FRYL: variants seen among roughly 807,000 people sequenced by gnomAD.
FRYL encodes FRY like transcription coactivator.
FRYL carries 150 observed loss-of-function variants against 351.2 expected under a neutral mutation model. That is an observed-to-expected ratio of 0.43 (90% CI 0.37 to 0.49). FRYL has a LOEUF of 0.49. Among genes scored for constraint, FRYL ranks in the 20% least tolerant of loss-of-function variants. The pLI is 0.00. For synonymous variants in FRYL, 1,153 were observed against 1,257.1 expected (o/e 0.92, Z 1.75); for missense variants, 3,036 against 3,619.3 (o/e 0.84, Z 4.13).
intron 55 of FRYL, among the ~76,000 whole-genome samples, chr4:48,519,461 T>C (rs2148817112): frequency 6.6e-6 from 1 of 152,144 alleles, no homozygotes; most frequent in Middle Eastern, 3.4e-3. Flanking sequence ...TTGAACCTAT[T>C]ATTGAATTTT....
intron 1 of FRYL, among the ~76,000 whole-genome samples, chr4:48,765,794 A>C (rs1441702462): frequency 6.6e-6 from 1 of 152,222 alleles, no homozygotes; most frequent in Non-Finnish European, 1.5e-5. Flanking sequence ...ACAACTCAAT[A>C]ACAACAGTAA....
intron 3 of FRYL, among the ~76,000 whole-genome samples, chr4:48,663,073 CTT>C (rs35313110): frequency 6.6e-6 from 1 of 152,060 alleles, no homozygotes; most frequent in Admixed American, 6.5e-5. Flanking sequence ...AGTTAAAATA[CTT>C]TTTGTTTCTC....
intron 37 of FRYL, among the ~76,000 whole-genome samples, chr4:48,550,906 TA>T (rs750996180): frequency 6.6e-6 from 1 of 152,280 alleles, no homozygotes. Flanking sequence ...ACCCCGTGTC[TA>T]CTAAAATACC....
intron 3 of FRYL, chr4:48,653,602 A>G: frequency 3.2e-6 from 2 of 623,766 alleles, no homozygotes; most frequent in Non-Finnish European, 2.4e-6. Context: ...TCTTCATGCT[A>G]TTTTCAACAG....
Position 48,602,065 on chromosome 4 carries a change from T to A in FRYL, c.990A>T (p.Leu330Phe), listed in dbSNP as rs1560693673. ...LLCVSQKQFF[L>F]NNWHIFLQNC... is the part of the protein sequence containing the mutation. The stretch of plus-strand genomic sequence containing the variant: ...TCTGTAGGAAAATATGCCAGTTATT[T>A]AAAAAAAATTGTTTCTGACTGACAC... Residue 330 changes from leucine to phenylalanine, a missense_variant, in exon 13 of 64, where the codon TTA becomes TTT. Around this residue, in one of 7 missense-constraint regions of FRYL, gnomAD observed 457 missense variants for 566.6 expected, o/e 0.81. Coordinates refer to ENST00000358350, the MANE Select transcript of FRYL (RefSeq NM_015030.2). 6.2e-7 allele frequency: 1 copy of A among 1,600,232 alleles called. No homozygotes were observed. Among genetic ancestry groups the A allele is most frequent in the South Asian group, 1.1e-5 (1 of 90,756 alleles).
At chr4:48,712,128 C>T (rs567080820) in intron 1 of FRYL, among the ~76,000 whole-genome samples, 4 of 152,190 alleles carry the variant, frequency 2.6e-5, no homozygotes, top group African/African-American at 7.2e-5. Flanking sequence ...AAAAACAGAG[C>T]AGAAAAACTG....
intron 35 of FRYL, among the ~76,000 whole-genome samples, chr4:48,556,608 C>T (rs1734177532): frequency 6.6e-6 from 1 of 152,198 alleles, no homozygotes; most frequent in Non-Finnish European, 1.5e-5. Context: ...CATCTTGAAT[C>T]CTTCCAGACA....
intron 1 of FRYL, among the ~76,000 whole-genome samples, chr4:48,773,454 C>A (rs2109425813): frequency 6.6e-6 from 1 of 152,108 alleles, no homozygotes; most frequent in South Asian, 2.1e-4. Flanking sequence ...TAAAGTATTG[C>A]CCTTTATTTG....
chr4:48,561,581 T>C lies in FRYL; in HGVS notation c.3752A>G (p.Asp1251Gly), dbSNP rs1735506189. ...AGGAGACAGCTGGCTGAGTACTCCA[T>C]CTGTTCTCTGAACCTCCAATTTGTG... is the stretch of plus-strand genomic sequence containing the variant. ...YAHKLEVQRT[D>G]GVLSQLSPLP... Residue 1251 changes from aspartate (D) to glycine (G), a missense_variant, in exon 33 of 64, where the codon GAT becomes GGT. By Grantham distance (94) the Asp-to-Gly change is moderately conservative (BLOSUM62 -1). This residue lies in a region of FRYL where 1,987 missense variants were observed against 2,311.7 expected (regional missense o/e 0.86). Coordinates refer to ENST00000358350, the MANE Select transcript of FRYL (RefSeq NM_015030.2). 6.2e-7 allele frequency: 1 copy of C among 1,612,362 alleles called. No homozygotes were observed. Among genetic ancestry groups the C allele is most frequent in the Non-Finnish European group, 8.5e-7 (1 of 1,178,674 alleles).
At chr4:48,748,673 C>T (rs1772932801) in intron 1 of FRYL, among the ~76,000 whole-genome samples, 2 of 152,186 alleles carry the variant, frequency 1.3e-5, no homozygotes, top group Non-Finnish European at 2.9e-5. Flanking sequence ...AACTGTGTGT[C>T]AGGCACTGTC....
intron 1 of FRYL, among the ~76,000 whole-genome samples, chr4:48,766,207 T>C (rs1256060147): frequency 1.3e-5 from 2 of 152,204 alleles, no homozygotes; most frequent in East Asian, 3.8e-4. Flanking sequence ...TTATTCACAA[T>C]AGCCATAATG....
intron 2 of FRYL, among the ~76,000 whole-genome samples, chr4:48,692,432 G>A (rs982754790): frequency 4.0e-5 from 6 of 150,730 alleles, no homozygotes; most frequent in African/African-American, 1.5e-4. Flanking sequence ...TCACTCTGCC[G>A]CCCAGGCTGG....
chr4:48,716,155 C>T (rs1319014389), intron 1 of FRYL, among the ~76,000 whole-genome samples: 1 of 152,000 alleles, frequency 6.6e-6, no homozygotes, highest in Non-Finnish European at 1.5e-5. Flanking sequence ...AACGTTAGAC[C>T]TAAAACCGTA....
intron 2 of FRYL, among the ~76,000 whole-genome samples, chr4:48,709,245 G>A (rs547852472): frequency 9.9e-5 from 15 of 152,200 alleles, no homozygotes; most frequent in African/African-American, 3.6e-4. Flanking sequence ...TTTATAAAGG[G>A]TCCCAGAATT....
rs1477420104 is a variant in FRYL, at chr4:48,544,504, G to A, written c.5401+279C>T. Among the ~76,000 whole-genome samples the A allele has an allele frequency of 4.0e-5, 6 of 151,872 alleles. No individual in the cohort carries two copies. The South Asian group carries it at 6.2e-4, about 16-fold the overall frequency. Reference sequence around the variant, plus strand: ...TTTTAAGTTTCCAATTTCTATATACGTCCGTTTAATGTATTTTTTCATAAT... The same window carrying A: ...TTTTAAGTTTCCAATTTCTATATACATCCGTTTAATGTATTTTTTCATAAT... On this transcript the variant is annotated intron_variant, in intron 43 of 63. Coordinates refer to ENST00000358350, the MANE Select transcript of FRYL (RefSeq NM_015030.2).
At chr4:48,728,346 G>A (rs1560322427) in intron 1 of FRYL, among the ~76,000 whole-genome samples, 1 of 148,904 alleles carries the variant, frequency 6.7e-6, no homozygotes. Context: ...AAGAGTGGGG[G>A]AAAAAAAAAC....
At chr4:48,659,351 C>G in intron 3 of FRYL, among the ~76,000 whole-genome samples, 1 of 139,980 alleles carries the variant, frequency 7.1e-6, no homozygotes, top group Non-Finnish European at 1.5e-5. Context: ...AGACTCTTGT[C>G]TCAAAACAAA....
intron 1 of FRYL, among the ~76,000 whole-genome samples, chr4:48,720,148 C>CAAA (rs111735468): frequency 4.1e-4 from 48 of 117,260 alleles, no homozygotes; most frequent in African/African-American, 1.4e-3. Flanking sequence ...GACTCCATCT[C>CAAA]AAAAAAAAAA....
chr4:48,523,887 A>G (rs1038118541), intron 53 of FRYL, among the ~76,000 whole-genome samples: 15 of 152,236 alleles, frequency 9.9e-5, no homozygotes, highest in African/African-American at 3.4e-4. Flanking sequence ...TTCAATGGTC[A>G]TTTTTTGCTA....
Sources: gnomAD v4.1 joint callset for allele counts (sites outside exome capture counted in the v4.1 genomes callset) on GRCh38, gnomAD v4.1.1 for gene constraint, gnomAD v4.1.1 regional missense constraint, MANE v1.5 for transcripts, NCBI Gene and HGNC (gene_info 2026-07-23, HGNC 2026-07-21) for gene names.